Variants in GABRB1 observed in about 807,000 individuals in gnomAD.
GABRB1 encodes gamma-aminobutyric acid type A receptor subunit beta1.
A neutral mutation model predicts 51.6 loss-of-function variants in GABRB1; 17 were observed. That is an observed-to-expected ratio of 0.33 (90% CI 0.23 to 0.49). The LOEUF is 0.49. Among genes scored for constraint, GABRB1 ranks in the 20% least tolerant of loss-of-function variants. The pLI is 0.99. For synonymous variants in GABRB1, 247 were observed against 218.9 expected (o/e 1.13, Z -1.14); for missense variants, 410 against 600.6 (o/e 0.68, Z 3.32).
intron 3 of GABRB1, among the ~76,000 whole-genome samples, chr4:47,141,822 A>C (rs1279956576): frequency 2.0e-5 from 3 of 151,994 alleles, no homozygotes; most frequent in Non-Finnish European, 4.4e-5. Flanking sequence ...CATTTCAAGA[A>C]TTTGTGTTAA....
chr4:47,298,578 G>A (rs1028719553), intron 4 of GABRB1, among the ~76,000 whole-genome samples: 6 of 152,166 alleles, frequency 3.9e-5, no homozygotes, highest in African/African-American at 1.4e-4. Flanking sequence ...ACTGCTCAAT[G>A]AAATAAAAGA....
At chr4:47,389,083 A>T (rs1407087460) in intron 5 of GABRB1, among the ~76,000 whole-genome samples, 2 of 152,190 alleles carry the variant, frequency 1.3e-5, no homozygotes, top group Non-Finnish European at 2.9e-5. Context: ...TGGCTTTGCA[A>T]GATTGGGTGT....
At position 47,136,238 on chromosome 4, in the gene GABRB1, G is replaced by C. The variant is rs374270987; in HGVS notation, c.241-25011G>C. 2.6e-4 allele frequency among the ~76,000 whole-genome samples: 39 copies of C among 152,150 alleles called. 1 individual carries two copies. The highest frequency in any genetic ancestry group is 8.9e-4 in the African/African-American group (37 of 41,520). On this transcript the variant is annotated intron_variant, in intron 3 of 8. Coordinates refer to ENST00000295454, the MANE Select transcript of GABRB1 (RefSeq NM_000812.4). Reference sequence around the variant, plus strand: ...AACTCCTGGCTTCAAGTGATCTTCTGACCTCTGTCTTCGAGAGTGCTGGGA... The same window carrying C: ...AACTCCTGGCTTCAAGTGATCTTCTCACCTCTGTCTTCGAGAGTGCTGGGA...
chr4:47,343,375 A>G (rs1327265830), intron 5 of GABRB1, among the ~76,000 whole-genome samples: 1 of 152,200 alleles, frequency 6.6e-6, no homozygotes, highest in South Asian at 2.1e-4. Flanking sequence ...TGCAGCAACA[A>G]TGGACCAACT....
intron 3 of GABRB1, among the ~76,000 whole-genome samples, chr4:47,040,224 T>A (rs975443177): frequency 6.6e-6 from 1 of 152,164 alleles, no homozygotes; most frequent in African/African-American, 2.4e-5. Flanking sequence ...ATGCAGAACA[T>A]CTGACAAAGT....
chr4:47,246,568 G>A (rs183287307), intron 4 of GABRB1, among the ~76,000 whole-genome samples: 1 of 150,524 alleles, frequency 6.6e-6, no homozygotes, highest in Admixed American at 6.6e-5. Flanking sequence ...TGGGTCAAAT[G>A]GTAGTTCTAC....
intron 3 of GABRB1, among the ~76,000 whole-genome samples, chr4:47,158,135 G>GCA (rs141240779): frequency 6.6e-6 from 1 of 151,734 alleles, no homozygotes; most frequent in Non-Finnish European, 1.5e-5. Context: ...ACCCATACAC[G>GCA]CACACACACA....
chr4:47,319,927 G>A (rs1725014844), intron 4 of GABRB1, among the ~76,000 whole-genome samples, 200 bp from the exon 5 acceptor site: 1 of 152,070 alleles, frequency 6.6e-6, no homozygotes, highest in Non-Finnish European at 1.5e-5. Context: ...TATGTTTTTA[G>A]AAATTTATCC....
At chr4:47,022,468 T>A (rs1560499102) in intron 1 of GABRB1, among the ~76,000 whole-genome samples, 1 of 152,132 alleles carries the variant, frequency 6.6e-6, no homozygotes, top group Non-Finnish European at 1.5e-5. Context: ...GATAATATGA[T>A]TTATTTTTCT....
intron 3 of GABRB1, among the ~76,000 whole-genome samples, chr4:47,150,917 A>C (rs1372089043): frequency 1.3e-5 from 2 of 152,028 alleles, no homozygotes; most frequent in African/African-American, 4.8e-5. Context: ...TTGTCTCTGA[A>C]TAGTAAATTT....
At chr4:47,031,558 C>A (rs1410853465), upstream of GABRB1, 2 of 1,016,188 alleles carry the variant, frequency 2.0e-6, no homozygotes, top group South Asian at 1.3e-5. Flanking sequence ...TCTGCGCATG[C>A]GCAGGTCCAT....
intron 3 of GABRB1, among the ~76,000 whole-genome samples, chr4:47,035,781 AACAC>A (rs957741479): frequency 6.6e-6 from 1 of 152,184 alleles, no homozygotes; most frequent in Non-Finnish European, 1.5e-5. Context: ...AAGCCAGTAA[AACAC>A]AGACAGTAGT....
intron 4 of GABRB1, among the ~76,000 whole-genome samples, chr4:47,221,295 C>T (rs1429780019): frequency 6.6e-6 from 1 of 151,960 alleles, no homozygotes; most frequent in Non-Finnish European, 1.5e-5. Context: ...TGCTTTGTTT[C>T]CTTGACTAGA....
At chr4:47,356,199 A>G (rs1019805840) in intron 5 of GABRB1, among the ~76,000 whole-genome samples, 5 of 152,186 alleles carry the variant, frequency 3.3e-5, no homozygotes, top group African/African-American at 1.2e-4. Context: ...TGTATTTCTC[A>G]TCGTTATATC....
chr4:47,407,691 G>T (rs748134032), intron 8 of GABRB1, among the ~76,000 whole-genome samples: 1 of 152,166 alleles, frequency 6.6e-6, no homozygotes, highest in Non-Finnish European at 1.5e-5. Context: ...AGGCATTTGG[G>T]ATACTGATGT....
rs913802686 is a variant in GABRB1, at chr4:47,215,518, G to GA, written c.461+54054dup. 7.4e-4 allele frequency among the ~76,000 whole-genome samples: 113 copies of GA among 151,872 alleles called. 1 individual carries two copies. The highest frequency in any genetic ancestry group is 2.3e-3 in the African/African-American group (95 of 41,428). ...AAGACTATGCTAGGTAGAGAAGGGG[G>GA]AAAAATCAAAAGATGGATAAATAAA... On this transcript the variant is annotated intron_variant, in intron 4 of 8. Transcript: ENST00000295454.
At chr4:47,352,810 T>G (rs1726405435) in intron 5 of GABRB1, among the ~76,000 whole-genome samples, 1 of 152,184 alleles carries the variant, frequency 6.6e-6, no homozygotes, top group African/African-American at 2.4e-5. Context: ...TTCATAGTAG[T>G]GAGGGTTTGG....
chr4:47,262,528 A>G (rs915488770), intron 4 of GABRB1, among the ~76,000 whole-genome samples: 12 of 152,302 alleles, frequency 7.9e-5, no homozygotes, highest in African/African-American at 2.6e-4. Flanking sequence ...GGCGATCATT[A>G]AAAAGTCAGG....
chr4:47,094,229 CTTTTTT>C (rs35279182), intron 3 of GABRB1, among the ~76,000 whole-genome samples: 1 of 126,628 alleles, frequency 7.9e-6, no homozygotes, highest in African/African-American at 3.0e-5. Context: ...TCTTTTTTCT[CTTTTTT>C]TTTTTTTTTT....
Sources: allele counts gnomAD v4.1 joint callset (sites outside exome capture counted in the v4.1 genomes callset), GRCh38; gene constraint gnomAD v4.1.1; transcripts MANE v1.5; gene names NCBI Gene and HGNC (gene_info 2026-07-23, HGNC 2026-07-21).